ZNF44: variants seen among roughly 807,000 people sequenced by gnomAD.
The protein encoded by ZNF44 is gonadotropin inducible transcription repressor-2.
A neutral mutation model predicts 11.7 loss-of-function variants in ZNF44; 9 were observed. The ratio of observed to expected loss-of-function variants is 0.77; its 90% CI spans 0.46 to 1.35. The LOEUF (loss-of-function observed/expected upper bound fraction) is 1.35, where lower values mean the gene tolerates loss of function less well. Among genes scored for constraint, ZNF44 ranks in the 40% most tolerant of loss-of-function variants. The pLI is 0.00. For missense variants in ZNF44, 696 were observed against 743.1 expected (o/e 0.94, Z 0.74); for synonymous variants, 224 against 242.7 (o/e 0.92, Z 0.72).
downstream of ZNF44, among the ~76,000 whole-genome samples, chr19:12,268,174 ACACACAC>A (rs997374220): frequency 9.8e-5 from 14 of 142,594 alleles, no homozygotes; most frequent in South Asian, 1.8e-3. Flanking sequence ...ACACACACAC[ACACACAC>A]AAGCTCCTTC....
At chr19:12,294,022 GTCA>G in intron 1 of ZNF44, among the ~76,000 whole-genome samples, 1 of 151,316 alleles carries the variant, frequency 6.6e-6, no homozygotes, top group South Asian at 2.1e-4. Context: ...TGAGAGTCAG[GTCA>G]CAGCAGACGC....
downstream of ZNF44, among the ~76,000 whole-genome samples, chr19:12,243,787 C>T (rs1916694416): frequency 6.6e-6 from 1 of 152,074 alleles, no homozygotes. Context: ...TTCCCACCAA[C>T]AGTATACAAA....
chr19:12,275,784 G>C lies in ZNF44; in HGVS notation c.130+172C>G, dbSNP rs140369074. ...CTGGTCAAAAGTAGGTTAAGCTGTG[G>C]CAGACAAAAGATTATATGAGGACAT... On this transcript the variant is annotated intron_variant, in intron 2 of 3. Coordinates refer to ENST00000355684, the MANE Select transcript of ZNF44 (RefSeq NM_016264.4). 7.7e-4 allele frequency among the ~76,000 whole-genome samples: 118 copies of C among 152,324 alleles called. 1 individual carries two copies. Among genetic ancestry groups the C allele is most frequent in the Middle Eastern group, 3.4e-3 (1 of 294 alleles).
chr19:12,274,111 T>C (rs1262033331), intron 3 of ZNF44, 48 bp from the exon 4 acceptor site: 7 of 1,482,858 alleles, frequency 4.7e-6, no homozygotes, highest in Non-Finnish European at 6.4e-6. Context: ...ATTGAATTTA[T>C]ATTTATCAAC....
At chr19:12,235,179 C>CT (rs1916334245) in intron 1 of ZNF44, among the ~76,000 whole-genome samples, 1 of 151,956 alleles carries the variant, frequency 6.6e-6, no homozygotes, top group Admixed American at 6.6e-5. Flanking sequence ...GACATCCTGG[C>CT]TAACAGGGTG....
chr19:12,232,250 C>T (rs534833809), intron 2 of ZNF44, among the ~76,000 whole-genome samples: 4 of 152,246 alleles, frequency 2.6e-5, no homozygotes, highest in Non-Finnish European at 5.9e-5. Context: ...AACGTACAAT[C>T]GGGTTTTATA....
intron 5 of ZNF44, among the ~76,000 whole-genome samples, chr19:12,254,728 C>T (rs1048125857): frequency 4.0e-5 from 6 of 150,362 alleles, no homozygotes; most frequent in Admixed American, 3.3e-4. Flanking sequence ...GAGCGAGACT[C>T]CATCTCAAAA....
At chr19:12,253,206 T>C (rs904968162) in intron 5 of ZNF44, among the ~76,000 whole-genome samples, 6 of 149,174 alleles carry the variant, frequency 4.0e-5, no homozygotes, top group Non-Finnish European at 7.4e-5. Context: ...TTTTTTTTTT[T>C]TGAGACAGAA....
At position 12,273,868 on chromosome 19, in the gene ZNF44, T is replaced by A; in HGVS notation, c.387A>T (p.Lys129Asn). ...NCYIRVDTGH[K>N]HRECHEYAEK... ...CTGCATATTCATGACACTCCCGGTG[T>A]TTGTGTCCAGTATCAACTCTGATGT... The change falls in exon 4 of 4, where the codon AAA (lysine) becomes AAT (asparagine). Residue 129 changes from lysine (K) to asparagine (N), a missense_variant. Lys to Asn is a moderately conservative substitution (Grantham distance 94). Transcript: ENST00000355684. 6.2e-7 allele frequency: 1 copy of A among 1,614,210 alleles called. No homozygotes were observed. Among genetic ancestry groups the A allele is most frequent in the African/African-American group, 1.3e-5 (1 of 75,064 alleles).
intron 3 of ZNF44, among the ~76,000 whole-genome samples, chr19:12,227,821 T>C (rs1915984577): frequency 6.6e-6 from 1 of 152,204 alleles, no homozygotes; most frequent in South Asian, 2.1e-4. Context: ...AAACACCATT[T>C]TGTATTTGAC....
chr19:12,237,879 TG>T (rs1568421803), upstream of ZNF44: 1 of 147,966 alleles, frequency 6.8e-6, no homozygotes, highest in East Asian at 2.0e-4. Context: ...CAGTGGGCCC[TG>T]GCATCTTCCT....
chr19:12,273,875 C>T lies in ZNF44; in HGVS notation c.380G>A (p.Gly127Glu). 6 of 1,614,152 alleles carry T rather than the reference C, an allele frequency of 3.7e-6. No homozygotes were observed. Among genetic ancestry groups the T allele is most frequent in the Non-Finnish European group, 5.1e-6 (6 of 1,180,036 alleles). The change falls in exon 4 of 4, where the codon GGA (glycine) becomes GAA (glutamate). Residue 127 changes from glycine to glutamate, a missense_variant. Gly to Glu is a moderately conservative substitution (Grantham distance 98). Transcript: ENST00000355684. ...SLNCYIRVDT[G>E]HKHRECHEYA... ...TTCATGACACTCCCGGTGTTTGTGTCCAGTATCAACTCTGATGTAGCAATT... is the reference window on the plus strand; with the variant it reads ...TTCATGACACTCCCGGTGTTTGTGTTCAGTATCAACTCTGATGTAGCAATT...
chr19:12,276,587 T>G (rs1967230479), intron 1 of ZNF44, among the ~76,000 whole-genome samples: 1 of 152,216 alleles, frequency 6.6e-6, no homozygotes, highest in Non-Finnish European at 1.5e-5. Context: ...GGTATTTGCT[T>G]AACTCCTAAC....
downstream of ZNF44, among the ~76,000 whole-genome samples, chr19:12,243,442 C>G (rs1916686332): frequency 6.6e-6 from 1 of 152,158 alleles, no homozygotes; most frequent in African/African-American, 2.4e-5. Context: ...AAGTATTTGC[C>G]TATGTCTGCC....
chr19:12,237,029 C>A (rs1480868956), intron 1 of ZNF44: 1 of 152,254 alleles, frequency 6.6e-6, no homozygotes, highest in African/African-American at 2.4e-5. Context: ...TTGGGTTATT[C>A]ATGAATTGCT....
chr19:12,271,608 G>C (rs1287634968), downstream of ZNF44, among the ~76,000 whole-genome samples: 1 of 152,206 alleles, frequency 6.6e-6, no homozygotes, highest in Admixed American at 6.5e-5. Context: ...GTTATCAAGA[G>C]AGAAGAACCA....
intron 5 of ZNF44, chr19:12,260,152 C>G: frequency 4.0e-6 from 3 of 753,302 alleles, no homozygotes; most frequent in East Asian, 2.5e-5. Context: ...AATGGATGGT[C>G]GTGCAGAACT....
At chr19:12,253,698 GGCCGAGTACAGTGGCTCAC>G (rs933136984) in intron 5 of ZNF44, among the ~76,000 whole-genome samples, 4 of 152,166 alleles carry the variant, frequency 2.6e-5, no homozygotes, top group Non-Finnish European at 5.9e-5. Flanking sequence ...AGGAAGGACA[GGCCGAGTACAGTGGCTCAC>G]GCCTATAATC....
Position 12,273,389 on chromosome 19 carries a change from G to T in ZNF44, c.866C>A (p.Ala289Asp). 6.2e-7 allele frequency: 1 copy of T among 1,613,920 alleles called. No homozygotes were observed. Among genetic ancestry groups the T allele is most frequent in the Non-Finnish European group, 8.5e-7 (1 of 1,179,954 alleles). ...TCGAAGGGAACCGGAAACACTGAAG[G>T]CTTTCCCACATTGTTTACATTTGTA... Reference protein sequence around the residue: ...KPYKCKQCGKAFSVSGSLRVH... With the variant: ...KPYKCKQCGKDFSVSGSLRVH... The change falls in exon 4 of 4, where the codon GCC becomes GAC. Residue 289 changes from alanine to aspartate, a missense_variant. Coordinates refer to ENST00000355684, the MANE Select transcript of ZNF44 (RefSeq NM_016264.4).
Sources: gnomAD v4.1 joint callset for allele counts (sites outside exome capture counted in the v4.1 genomes callset) on GRCh38, gnomAD v4.1.1 for gene constraint, MANE v1.5 for transcripts, NCBI Gene and HGNC (gene_info 2026-07-23, HGNC 2026-07-21) for gene names.